LRRIQ3: variants seen among roughly 807,000 people sequenced by gnomAD.
LRRIQ3 encodes the protein leucine rich repeats and IQ motif containing 3.
LRRIQ3 carries 75 observed loss-of-function variants against 59.3 expected under a neutral mutation model. The observed-to-expected ratio is 1.26, with a 90% CI of 1.05 to 1.53. The LOEUF (loss-of-function observed/expected upper bound fraction) is 1.53. LRRIQ3 is among the 40% of genes most tolerant of loss of function. The pLI is 0.00. For synonymous variants in LRRIQ3, 250 were observed against 231.3 expected (o/e 1.08, Z -0.73); for missense variants, 831 against 710.0 (o/e 1.17, Z -1.94).
chr1:74,103,519 C>A (rs146273159), intron 5 of LRRIQ3, among the ~76,000 whole-genome samples: 33 of 152,042 alleles, frequency 2.2e-4, no homozygotes, highest in African/African-American at 7.9e-4. Flanking sequence ...TAATATTTTA[C>A]TTTCCAGCAT....
chr1:74,159,493 AT>A (rs1280093517), intron 3 of LRRIQ3, among the ~76,000 whole-genome samples: 1 of 152,106 alleles, frequency 6.6e-6, no homozygotes, highest in Non-Finnish European at 1.5e-5. Flanking sequence ...TAACTCAATT[AT>A]TTTGCATGGC....
intron 3 of LRRIQ3, among the ~76,000 whole-genome samples, chr1:74,162,959 C>T (rs1198103378): frequency 6.6e-6 from 1 of 151,410 alleles, no homozygotes; most frequent in Non-Finnish European, 1.5e-5. Flanking sequence ...TTAATAATAA[C>T]ATATTATATA....
chr1:74,132,213 G>C (rs1195822774), intron 4 of LRRIQ3, among the ~76,000 whole-genome samples: 1 of 152,012 alleles, frequency 6.6e-6, no homozygotes, highest in Non-Finnish European at 1.5e-5. Flanking sequence ...ACTGATCAAT[G>C]AAATAAAAGA....
intron 7 of LRRIQ3, among the ~76,000 whole-genome samples, chr1:74,030,599 CA>C (rs1305719733): frequency 6.6e-6 from 1 of 152,114 alleles, no homozygotes; most frequent in Non-Finnish European, 1.5e-5. Flanking sequence ...ACACCTTATA[CA>C]AAAATTAATT....
chr1:74,082,346 C>A (rs1005605471), intron 5 of LRRIQ3: 2 of 151,352 alleles, frequency 1.3e-5, no homozygotes, highest in African/African-American at 4.8e-5. Context: ...ATTTATAAAT[C>A]TAATCATTTT....
At chr1:74,088,479 G>A (rs984695532) in intron 5 of LRRIQ3, among the ~76,000 whole-genome samples, 1 of 151,874 alleles carries the variant, frequency 6.6e-6, no homozygotes, top group African/African-American at 2.4e-5. Flanking sequence ...ACAGACATAC[G>A]TATCAATAAA....
At chr1:74,082,010 G>C (rs1408376664) in intron 5 of LRRIQ3, 2 of 151,202 alleles carry the variant, frequency 1.3e-5, no homozygotes, top group Non-Finnish European at 3.0e-5. Flanking sequence ...TCAATCTGTT[G>C]TATTATCAAG....
intron 7 of LRRIQ3, among the ~76,000 whole-genome samples, chr1:74,029,617 T>A (rs1653633919): frequency 6.6e-6 from 1 of 152,104 alleles, no homozygotes; most frequent in African/African-American, 2.4e-5. Flanking sequence ...TTATTGAGGA[T>A]TTTTGCATCG....
chr1:74,063,559 T>C (rs183685724), intron 6 of LRRIQ3, among the ~76,000 whole-genome samples: 42 of 152,210 alleles, frequency 2.8e-4, no homozygotes, highest in East Asian at 1.7e-3. Context: ...TCTGTCAATT[T>C]GGGGTTTCTA....
chr1:74,156,303 C>T (rs897113993), intron 3 of LRRIQ3, among the ~76,000 whole-genome samples: 3 of 152,120 alleles, frequency 2.0e-5, no homozygotes, highest in Non-Finnish European at 4.4e-5. Flanking sequence ...GATGCCAGCA[C>T]CATACTTCCT....
chr1:74,119,756 T>C (rs781274588), intron 4 of LRRIQ3, among the ~76,000 whole-genome samples: 1 of 152,146 alleles, frequency 6.6e-6, no homozygotes, highest in Admixed American at 6.6e-5. Context: ...CAGCTCTTTT[T>C]AGGGGCCCTT....
chr1:74,168,064 T>C (rs1342967940), intron 3 of LRRIQ3, among the ~76,000 whole-genome samples: 1 of 152,038 alleles, frequency 6.6e-6, no homozygotes, highest in Non-Finnish European at 1.5e-5. Context: ...TTTGCTGTTG[T>C]TGGGTGGTGT....
intron 6 of LRRIQ3, among the ~76,000 whole-genome samples, chr1:74,072,242 T>C (rs904305470): frequency 4.6e-5 from 7 of 152,084 alleles, no homozygotes; most frequent in Non-Finnish European, 7.4e-5. Context: ...GTAAGTCTTA[T>C]ATAATGTCTA....
At chr1:74,110,490 T>C (rs1044239121) in intron 4 of LRRIQ3, among the ~76,000 whole-genome samples, 4 of 152,060 alleles carry the variant, frequency 2.6e-5, no homozygotes, top group Non-Finnish European at 4.4e-5. Flanking sequence ...AGCAGCCTAT[T>C]TTATAGAAAA....
At chr1:74,080,428 T>G (rs1318840603) in intron 5 of LRRIQ3, among the ~76,000 whole-genome samples, 2 of 151,710 alleles carry the variant, frequency 1.3e-5, no homozygotes, top group East Asian at 3.9e-4. Context: ...ACTAGATATG[T>G]ATTTTCCCAA....
intron 6 of LRRIQ3, among the ~76,000 whole-genome samples, chr1:74,065,993 C>T (rs960915489): frequency 1.3e-5 from 2 of 151,880 alleles, no homozygotes; most frequent in Admixed American, 6.6e-5. Flanking sequence ...TTGAGACCAA[C>T]CTGACCAACA....
chr1:74,109,627 C>T (rs1362306955), intron 4 of LRRIQ3, 74 bp from the exon 5 acceptor site: 3 of 1,207,670 alleles, frequency 2.5e-6, no homozygotes, highest in African/African-American at 1.6e-5. Context: ...GTCATGAGTT[C>T]ACTTACATCT....
intron 3 of LRRIQ3, among the ~76,000 whole-genome samples, chr1:74,169,334 G>T (rs536123393): frequency 8.5e-5 from 13 of 152,112 alleles, no homozygotes; most frequent in African/African-American, 2.9e-4. Flanking sequence ...GAACGTGCAG[G>T]CTGTTTCTGT....
At chr1:74,044,935 C>A (rs1249887346) in intron 6 of LRRIQ3, among the ~76,000 whole-genome samples, 1 of 152,098 alleles carries the variant, frequency 6.6e-6, no homozygotes, top group East Asian at 1.9e-4. Flanking sequence ...CCTGAATAGA[C>A]CAATAACTAG....
Sources: allele counts gnomAD v4.1 joint callset (sites outside exome capture counted in the v4.1 genomes callset), GRCh38; gene constraint gnomAD v4.1.1; transcripts MANE v1.5; gene names NCBI Gene and HGNC (gene_info 2026-07-23, HGNC 2026-07-21).